TEKTL1: variants seen among roughly 807,000 people sequenced by gnomAD.
TEKTL1 encodes the protein tektin like 1.
the TEKTL1 span, chr19:15,023,117 T>TG: frequency 6.3e-7 from 1 of 1,592,740 alleles, no homozygotes; most frequent in Non-Finnish European, 8.5e-7. Context: ...CGCGGACCCC[T>TG]AGTGACCCCA....
At chr19:15,014,553 C>T in the TEKTL1 span, among the ~76,000 whole-genome samples, 14 of 151,810 alleles carry the variant, frequency 9.2e-5, no homozygotes, top group Non-Finnish European at 1.6e-4. Flanking sequence ...GTATAGATCT[C>T]CTCAGCTAGA....
At chr19:15,021,514 C>G in the TEKTL1 span, 3 of 1,614,094 alleles carry the variant, frequency 1.9e-6, no homozygotes, top group African/African-American at 1.3e-5. Context: ...GACCTTGGAG[C>G]TGAAGGTGAG....
chr19:15,013,864 A>G, the TEKTL1 span: 1 of 763,200 alleles, frequency 1.3e-6, no homozygotes, highest in Non-Finnish European at 2.2e-6. Flanking sequence ...GGGGACTGTC[A>G]CAATAGCAAT....
At chr19:15,022,016 C>A in the TEKTL1 span, 689 of 948,858 alleles carry the variant, frequency 7.3e-4, 2 homozygotes, top group African/African-American at 0.01. Context: ...CCCCTCTCAC[C>A]CAAGTCGGCC....
the TEKTL1 span, among the ~76,000 whole-genome samples, chr19:15,013,474 C>T: frequency 3.3e-5 from 5 of 152,210 alleles, no homozygotes; most frequent in East Asian, 5.8e-4. Context: ...GAGCAAGACC[C>T]GCCAAGTCAG....
At chr19:15,011,339 C>G in the TEKTL1 span, 1 of 1,487,978 alleles carries the variant, frequency 6.7e-7, no homozygotes, top group Non-Finnish European at 8.9e-7. Flanking sequence ...GCGCAAGGGT[C>G]TGCTTATTAA....
the TEKTL1 span, among the ~76,000 whole-genome samples, chr19:15,015,594 G>A: frequency 6.6e-6 from 1 of 152,258 alleles, no homozygotes; most frequent in East Asian, 1.9e-4. Flanking sequence ...ATTGTCACCA[G>A]TGAACAAAGG....
At chr19:15,014,731 C>CGGCGG in the TEKTL1 span, among the ~76,000 whole-genome samples, 1 of 11,752 alleles carries the variant, frequency 8.5e-5, no homozygotes, top group South Asian at 1.4e-3. Context: ...AGTGGGGGGG[C>CGGCGG]GGGGGGCGGG....
At chr19:15,021,160 T>C in the TEKTL1 span, among the ~76,000 whole-genome samples, 2 of 151,976 alleles carry the variant, frequency 1.3e-5, no homozygotes, top group Non-Finnish European at 2.9e-5. Context: ...GGATTACAGG[T>C]TACAGGCTCT....
At chr19:15,018,910 A>C in the TEKTL1 span, among the ~76,000 whole-genome samples, 1 of 151,104 alleles carries the variant, frequency 6.6e-6, no homozygotes, top group Admixed American at 6.6e-5. Flanking sequence ...CCATGTGTTT[A>C]TCTGTAATGG....
the TEKTL1 span, chr19:15,021,266 C>CCCA: frequency 1.3e-6 from 2 of 1,530,576 alleles, no homozygotes; most frequent in Admixed American, 3.9e-5. Context: ...TCGCCCAGGG[C>CCCA]CCACCACCAC....
At chr19:15,015,847 T>A in the TEKTL1 span, among the ~76,000 whole-genome samples, 1 of 152,194 alleles carries the variant, frequency 6.6e-6, no homozygotes, top group Non-Finnish European at 1.5e-5. Context: ...TTATGTCATA[T>A]CTATTTTACT....
the TEKTL1 span, chr19:15,010,896 C>T: frequency 1.3e-6 from 2 of 1,567,136 alleles, no homozygotes; most frequent in Admixed American, 1.9e-5. Flanking sequence ...TGGCGCGAGG[C>T]AGCTCAGGCC....
At chr19:15,011,564 G>A in the TEKTL1 span, among the ~76,000 whole-genome samples, 7 of 152,046 alleles carry the variant, frequency 4.6e-5, no homozygotes, top group African/African-American at 1.4e-4. Context: ...TGAAACCCCC[G>A]TCTCTACTAA....
chr19:15,011,732 C>T, the TEKTL1 span, among the ~76,000 whole-genome samples: 6 of 94,262 alleles, frequency 6.4e-5, no homozygotes, highest in South Asian at 2.0e-3. Context: ...AAAACTCCAT[C>T]TCAAAAAAAA....
chr19:15,022,997 G>A, the TEKTL1 span: 33 of 1,613,158 alleles, frequency 2.0e-5, no homozygotes, highest in African/African-American at 3.9e-4. Context: ...GGACGGCAAC[G>A]TGGTGCGCCT....
At chr19:15,018,276 C>G in the TEKTL1 span, among the ~76,000 whole-genome samples, 1 of 152,126 alleles carries the variant, frequency 6.6e-6, no homozygotes, top group African/African-American at 2.4e-5. Flanking sequence ...ATCCTTTGAA[C>G]CCGGGAGGCA....
At chr19:15,010,740 A>C in the TEKTL1 span, 2 of 1,388,694 alleles carry the variant, frequency 1.4e-6, no homozygotes, top group African/African-American at 1.4e-5. Context: ...CACTGTCTCT[A>C]CAGGCCAGGA....
At chr19:15,017,052 C>G in the TEKTL1 span, among the ~76,000 whole-genome samples, 2,602 of 152,198 alleles carry the variant, frequency 0.017, 75 homozygotes, top group African/African-American at 0.059. Flanking sequence ...AAGATATCAT[C>G]TCTACAAAAA....
Sources: allele counts gnomAD v4.1 joint callset (sites outside exome capture counted in the v4.1 genomes callset), GRCh38; gene constraint gnomAD v4.1.1; transcripts MANE v1.5; gene names NCBI Gene and HGNC (gene_info 2026-07-23, HGNC 2026-07-21).